Variants in LTBP4 observed in about 807,000 individuals in gnomAD.
LTBP4 encodes latent-transforming growth factor beta-binding protein 4.
Under a neutral mutation model 180.2 loss-of-function variants are expected in LTBP4, and 93 were observed. The ratio of observed to expected loss-of-function variants is 0.52; its 90% CI spans 0.44 to 0.61. The LOEUF (loss-of-function observed/expected upper bound fraction) is 0.61, where lower values mean the gene tolerates loss of function less well. Among genes scored for constraint, LTBP4 ranks in the 20% least tolerant of loss-of-function variants. The pLI is 0.00. For synonymous variants in LTBP4, 947 were observed against 934.5 expected, an observed-to-expected ratio of 1.01 and a Z score of -0.24; for missense variants, 2,116 against 2,256.5, an observed-to-expected ratio of 0.94 and a Z score of 1.26.
chr19:40,608,702 G>A (rs1407047733), intron 9 of LTBP4, 99 bp downstream of exon 9: 7 of 1,391,242 alleles, frequency 5.0e-6, no homozygotes, highest in Non-Finnish European at 6.9e-6. Flanking sequence ...CACCAGGTCA[G>A]GAGTTCGAGA....
In LTBP4 at chr19:40,605,868, G is replaced by C; in HGVS notation, c.793+37G>C. ...GACGTCCCCGAAGTGCTCGGAGCTG[G>C]GGAGTGGTGACAACCTCACCGTTCC... On this transcript the variant is annotated intron_variant, in intron 4 of 29. Transcript: ENST00000396819. This position sits in a 1 kb window ranked among gnomAD's most constrained non-coding sequence, Gnocchi z 5.5. 6.5e-7 allele frequency: 1 copy of C among 1,527,564 alleles called. No individual in the cohort carries two copies. The highest frequency in any genetic ancestry group is 8.8e-7 in the Non-Finnish European group (1 of 1,141,206). 94.6% of individuals were successfully genotyped at this position (1,527,564 alleles called of 1,614,324 possible).
intron 19 of LTBP4, among the ~76,000 whole-genome samples, chr19:40,615,106 C>T (rs984646034): frequency 6.7e-6 from 1 of 150,210 alleles, no homozygotes; most frequent in South Asian, 2.1e-4. Context: ...CCCTCCCGCC[C>T]CGCTCTTTCA....
At chr19:40,618,913 C>T (rs1441235555) in intron 21 of LTBP4, among the ~76,000 whole-genome samples, 1 of 152,142 alleles carries the variant, frequency 6.6e-6, no homozygotes, top group Admixed American at 6.6e-5. Context: ...GATTTTCAGG[C>T]AGATTATTTT....
chr19:40,607,257 ACC>A, intron 6 of LTBP4, 106 bp from the exon 7 acceptor site: 2 of 339,624 alleles, frequency 5.9e-6, no homozygotes, highest in South Asian at 2.6e-5. Flanking sequence ...CCTCGCACCC[ACC>A]AACCCCCCAC....
At chr19:40,603,886 G>C (rs2081440338) in intron 1 of LTBP4, among the ~76,000 whole-genome samples, 2 of 152,182 alleles carry the variant, frequency 1.3e-5, no homozygotes, top group South Asian at 2.1e-4. Context: ...CCCTGCCCCC[G>C]CCGCACCTCT....
rs755709796 is a variant in LTBP4 at position 40,613,593 on chromosome 19, G to A, written c.2557+64G>A. 2.2e-5 allele frequency: 34 copies of A among 1,541,612 alleles called. No individual in the cohort carries two copies. The highest frequency in any genetic ancestry group is 2.8e-5 in the Non-Finnish European group (32 of 1,147,136). On this transcript the variant is annotated intron_variant, in intron 17 of 29. Transcript: ENST00000396819. This position sits in a 1 kb window ranked among gnomAD's most constrained non-coding sequence, Gnocchi z 5.0. Reference sequence around the variant, plus strand: ...GCTTAGGGCAGGAAAAGGCGGGACGGGGAGAAGAGGGCGAAAAGGGGAAAA... The same window carrying A: ...GCTTAGGGCAGGAAAAGGCGGGACGAGGAGAAGAGGGCGAAAAGGGGAAAA...
At chr19:40,599,715 C>T (rs930165788), upstream of LTBP4, 90 of 662,830 alleles carry the variant, frequency 1.4e-4, no homozygotes, top group Non-Finnish European at 1.6e-4. Flanking sequence ...TATTTCATCC[C>T]TTGCCTGCCT....
chr19:40,601,658 C>G (rs895279806), intron 1 of LTBP4, 21 bp downstream of exon 1: 4 of 1,337,994 alleles, frequency 3.0e-6, no homozygotes, highest in Non-Finnish European at 3.8e-6. Context: ...GGTGGTGGTC[C>G]CGAGAGAGCG....
At chr19:40,620,069 G>T (rs1031412302) in intron 22 of LTBP4, among the ~76,000 whole-genome samples, 8 of 152,182 alleles carry the variant, frequency 5.3e-5, no homozygotes, top group African/African-American at 1.9e-4. Flanking sequence ...CATCTGGCAT[G>T]TGAGAAGAAC....
chr19:40,611,336 C>G lies in LTBP4; in HGVS notation c.1995C>G (p.Ser665=), dbSNP rs772109880. 2.4e-5 allele frequency: 38 copies of G among 1,611,870 alleles called. No homozygotes were observed. The East Asian group carries it at 7.1e-4, about 30-fold the overall frequency. ...GPGRCDNTAG[S]FHCACPAGFR... ...GCCGCTGTGACAACACGGCAGGCTC[C>G]TTTCACTGTGCCTGCCCTGCTGGCT... The change falls in exon 13 of 30, where the codon TCC becomes TCG. Residue 665 remains serine, a synonymous_variant. Coordinates refer to ENST00000396819, the MANE Select transcript of LTBP4 (RefSeq NM_001042545.2). This position sits in a 1 kb window ranked among gnomAD's most constrained non-coding sequence, Gnocchi z 4.4.
At position 40,605,250 on chromosome 19, in the gene LTBP4, C is replaced by T; in HGVS notation, c.442+24C>T. 1 of 1,566,710 alleles carries T rather than the reference C, an allele frequency of 6.4e-7. No homozygotes were observed. ...CGGTGAGGAAAGGGTGGCCAGAGTC[C>T]CCTCCGACCCCTGTCAAGCATTTCA... is the stretch of plus-strand genomic sequence containing the variant. On this transcript the variant is annotated intron_variant, in intron 2 of 29. Transcript: ENST00000396819. The surrounding 1 kb of genome is among the most constrained non-coding windows in gnomAD (Gnocchi z 5.5).
At position 40,608,514 on chromosome 19, in the gene LTBP4, G is replaced by A. The variant is rs773061259; in HGVS notation, c.1337G>A (p.Arg446Gln). Residue 446 changes from arginine to glutamine, a missense_variant, in exon 9 of 30, where the codon CGG becomes CAG. Around this residue, in one of 5 missense-constraint regions of LTBP4, gnomAD observed 877 missense variants for 873.6 expected, o/e 1.00. Coordinates refer to ENST00000396819, the MANE Select transcript of LTBP4 (RefSeq NM_001042545.2). ...GFLPTHRLEP[R>Q]PEPRPDPRPG... is the part of the protein sequence containing the mutation. ...CTGCCCACCCATCGCCTGGAGCCCCGGCCTGAACCCCGGCCCGATCCCCGG... is the reference window on the plus strand; with the variant it reads ...CTGCCCACCCATCGCCTGGAGCCCCAGCCTGAACCCCGGCCCGATCCCCGG... The A allele has an allele frequency of 2.1e-5, 33 of 1,606,642 alleles. No individual in the cohort carries two copies. Among genetic ancestry groups the A allele is most frequent in the East Asian group, 4.5e-5 (2 of 44,676 alleles).
chr19:40,629,308 G>A lies in LTBP4; in HGVS notation c.4520-88G>A. On this transcript the variant is annotated intron_variant, in intron 29 of 29. Transcript: ENST00000396819. The surrounding 1 kb of genome is among the most constrained non-coding windows in gnomAD (Gnocchi z 4.5). ...GGACTCCAAACTGCTCAGCATCTGT[G>A]CTCCTCTGTTCCAAGAACTTAAGGG... 1 of 1,557,820 alleles carries A rather than the reference G, an allele frequency of 6.4e-7. No homozygotes were observed. The highest frequency in any genetic ancestry group is 8.8e-7 in the Non-Finnish European group (1 of 1,131,852).
At chr19:40,607,626 C>G in intron 7 of LTBP4, 97 bp downstream of exon 7, 1 of 1,372,568 alleles carries the variant, frequency 7.3e-7, no homozygotes, top group Admixed American at 2.5e-5. Flanking sequence ...CCCAACCTGA[C>G]TGGCTGGGCT....
In LTBP4 at chr19:40,608,613, A is replaced by G. The variant is rs2081481987; in HGVS notation, c.1426+10A>G. 6 of 1,576,160 alleles carry G rather than the reference A, an allele frequency of 3.8e-6. No individual in the cohort carries two copies. Among genetic ancestry groups the G allele is most frequent in the African/African-American group, 1.3e-5 (1 of 74,110 alleles). ...GAGATTCCTGAATCAGGTTTGCTAG[A>G]AAGAACTGAGGGCATTGGGCCTGCA... On this transcript the variant is annotated intron_variant, in intron 9 of 29. Transcript: ENST00000396819.
At position 40,625,307 on chromosome 19, in the gene LTBP4, TATA is replaced by T. The variant is rs2081624367; in HGVS notation, c.3833-549_3833-547del. The stretch of plus-strand genomic sequence containing the variant: ...ATATATATATATATATATATATATA[TATA>T]TATATATTTTTTTTTTTAAAGATGG... On this transcript the variant is annotated intron_variant, in intron 26 of 29. Coordinates refer to ENST00000396819, the MANE Select transcript of LTBP4 (RefSeq NM_001042545.2). Among the ~76,000 whole-genome samples the T allele has an allele frequency of 8.8e-4, 21 of 23,784 alleles. 3 individuals are homozygous for T. Among genetic ancestry groups the T allele is most frequent in the Non-Finnish European group, 1.4e-3 (21 of 14,952 alleles). 15.6% of individuals were successfully genotyped at this position (23,784 alleles called of 152,430 possible).
At chr19:40,623,395 G>T (rs182417191) in intron 24 of LTBP4, among the ~76,000 whole-genome samples, 4 of 151,866 alleles carry the variant, frequency 2.6e-5, no homozygotes, top group African/African-American at 9.7e-5. Context: ...GATTGGTCTC[G>T]AACTCCTGAC....
chr19:40,624,096 C>A lies in LTBP4; in HGVS notation c.3832+14C>A, dbSNP rs1421530568. On this transcript the variant is annotated intron_variant, in intron 26 of 29. Coordinates refer to ENST00000396819, the MANE Select transcript of LTBP4 (RefSeq NM_001042545.2). ...GCCAGAGCCTCGGTAACCCCGCCCA[C>A]GCCATCCAGGCCCTCCTTCCCTTGG... The A allele has an allele frequency of 5.2e-6, 8 of 1,525,528 alleles. No individual in the cohort carries two copies. Among genetic ancestry groups the A allele is most frequent in the Non-Finnish European group, 7.1e-6 (8 of 1,133,652 alleles). 94.5% of individuals were successfully genotyped at this position (1,525,528 alleles called of 1,614,324 possible).
Position 40,617,194 on chromosome 19 carries a change from C to T in LTBP4, c.3039C>T (p.Tyr1013=), listed in dbSNP as rs754266862. The change falls in exon 21 of 30, where the codon TAC becomes TAT. Residue 1013 remains tyrosine (Y), a synonymous_variant. Coordinates refer to ENST00000396819, the MANE Select transcript of LTBP4 (RefSeq NM_001042545.2). ...GSFQCLCDQG[Y]EGARDGRHCV... is the part of the protein sequence containing the mutation. ...TCCAGTGCCTCTGTGACCAGGGTTA[C>T]GAGGGGGCACGGGATGGGCGTCACT... 113 of 1,613,464 alleles carry T rather than the reference C, an allele frequency of 7.0e-5. 1 individual carries two copies. Among genetic ancestry groups the T allele is most frequent in the Middle Eastern group, 1.6e-4 (1 of 6,084 alleles).
Sources: gnomAD v4.1 joint callset for allele counts (sites outside exome capture counted in the v4.1 genomes callset) on GRCh38, gnomAD v4.1.1 for gene constraint, gnomAD v4.1.1 regional missense constraint, Gnocchi (gnomAD v3.1) non-coding constraint, MANE v1.5 for transcripts, NCBI Gene and HGNC (gene_info 2026-07-23, HGNC 2026-07-21) for gene names.